The following MEST variants were observed in gnomAD, a reference collection of about 807,000 sequenced individuals.
The protein encoded by MEST is mesoderm specific transcript, also known as mesoderm-specific transcript homolog protein.
A neutral mutation model predicts 50.9 loss-of-function variants in MEST; 18 were observed. That is an observed-to-expected ratio of 0.35 (90% CI 0.24 to 0.52). MEST has a LOEUF of 0.52. Among genes scored for constraint, MEST ranks in the 20% least tolerant of loss-of-function variants. The pLI is 0.94. For missense variants in MEST, 282 were observed against 425.3 expected (o/e 0.66, Z 2.96); for synonymous variants, 130 against 154.1 (o/e 0.84, Z 1.16).
In MEST at chr7:130,492,328, T is replaced by C; in HGVS notation, c.15T>C (p.Asp5=). The C allele has an allele frequency of 7.5e-7, 1 of 1,339,374 alleles. No homozygotes were observed. The highest frequency in any genetic ancestry group is 2.9e-5 in the East Asian group (1 of 34,030). 83.0% of individuals were successfully genotyped at this position (1,339,374 alleles called of 1,614,324 possible). The change falls in exon 1 of 12, where the codon GAT becomes GAC. Residue 5 remains aspartate, a synonymous_variant. Coordinates refer to ENST00000223215, the MANE Select transcript of MEST (RefSeq NM_002402.4). This position sits in a 1 kb window ranked among gnomAD's most constrained non-coding sequence, Gnocchi z 7.6. MVRR[D]RLRRMREWWV... Reference sequence around the variant, plus strand: ...ATAACGCGGCCATGGTGCGCCGAGATCGCCTCCGCAGGTGAGTGTGCGGTG... The same window carrying C: ...ATAACGCGGCCATGGTGCGCCGAGACCGCCTCCGCAGGTGAGTGTGCGGTG...
chr7:130,502,763 G>A (rs1799322980), intron 10 of MEST, 43 bp downstream of exon 10: 11 of 1,463,386 alleles, frequency 7.5e-6, no homozygotes, highest in Non-Finnish European at 1.1e-5. Context: ...AAGGACTATA[G>A]GGTTAAAGTA....
upstream of MEST, chr7:130,490,074 AATAGG>A (rs1798740528): frequency 6.6e-6 from 1 of 152,230 alleles, no homozygotes; most frequent in Admixed American, 6.5e-5. Context: ...TTATTATTAA[AATAGG>A]AAAGCCTTTA....
chr7:130,496,338 C>G (rs1799059905), intron 2 of MEST: 5 of 367,668 alleles, frequency 1.4e-5, no homozygotes, highest in South Asian at 1.0e-4. Flanking sequence ...AACTATACTA[C>G]TTGTATAAAT....
chr7:130,494,358 A>C (rs901157170), intron 1 of MEST, among the ~76,000 whole-genome samples: 2 of 152,190 alleles, frequency 1.3e-5, no homozygotes, highest in Non-Finnish European at 2.9e-5. Context: ...GAGAACTTCC[A>C]TTCTACTGAC....
chr7:130,487,537 C>G (rs1563015735), upstream of MEST: 1 of 152,226 alleles, frequency 6.6e-6, no homozygotes, highest in Non-Finnish European at 1.5e-5. Flanking sequence ...CACTGCTTCC[C>G]TCGTCTGCCA....
intron 10 of MEST, among the ~76,000 whole-genome samples, chr7:130,503,373 G>A (rs1212144302): frequency 1.3e-5 from 2 of 152,202 alleles, no homozygotes; most frequent in Admixed American, 1.3e-4. Flanking sequence ...CCAGGGTGCA[G>A]GAGAGCTGGA....
intron 10 of MEST, 127 bp downstream of exon 10, chr7:130,502,847 A>G (rs1799326954): frequency 1.5e-6 from 1 of 661,918 alleles, no homozygotes; most frequent in Non-Finnish European, 2.6e-6. Context: ...TTAAATTTGA[A>G]TTTTAGATAA....
Position 130,505,213 on chromosome 7 carries a change from G to A in MEST, c.*157G>A. The A allele has an allele frequency of 1.6e-6, 1 of 611,310 alleles. No individual in the cohort carries two copies. Among genetic ancestry groups the A allele is most frequent in the Non-Finnish European group, 2.9e-6 (1 of 340,354 alleles). 37.9% of individuals were successfully genotyped at this position (611,310 alleles called of 1,614,324 possible). A position where few individuals can be genotyped will look rare whatever the true frequency, so the allele number is the denominator to read the frequency against. On this transcript the variant is annotated 3_prime_UTR_variant, in exon 12 of 12. Transcript: ENST00000223215. ...ATTGGTGAACAGTGTATAGGAAGAAGCCAGCAGGAGCTCTGACTAAGGTTG... is the reference window on the plus strand; with the variant it reads ...ATTGGTGAACAGTGTATAGGAAGAAACCAGCAGGAGCTCTGACTAAGGTTG...
chr7:130,501,459 A>G (rs564264322), intron 9 of MEST, among the ~76,000 whole-genome samples: 1 of 152,336 alleles, frequency 6.6e-6, no homozygotes, highest in South Asian at 2.1e-4. Context: ...GTATTAAAAA[A>G]CTGAAGAACA....
rs184490644 is a variant in MEST at position 130,499,080 on chromosome 7, C to T, written c.535+603C>T. On this transcript the variant is annotated intron_variant, in intron 6 of 11. Coordinates refer to ENST00000223215, the MANE Select transcript of MEST (RefSeq NM_002402.4). Reference sequence around the variant, plus strand: ...TGCTGTACCTCATTCTGCTTAAAGCCGAAGTTTCCAAGAACCTATCCTGAT... The same window carrying T: ...TGCTGTACCTCATTCTGCTTAAAGCTGAAGTTTCCAAGAACCTATCCTGAT... Among the ~76,000 whole-genome samples the T allele has an allele frequency of 9.9e-5, 15 of 152,270 alleles. No individual in the cohort carries two copies. The East Asian group carries it at 1.9e-3, about 20-fold the overall frequency.
In MEST at chr7:130,492,349, C is replaced by T. The variant is rs782756075; in HGVS notation, c.26+10C>T. 6.8e-6 allele frequency: 9 copies of T among 1,318,022 alleles called. No individual in the cohort carries two copies. In the East Asian group the frequency reaches 1.5e-4, roughly 21 times the overall value. 81.6% of individuals were successfully genotyped at this position (1,318,022 alleles called of 1,614,324 possible). A position where few individuals can be genotyped will look rare whatever the true frequency, so the allele number is the denominator to read the frequency against. On this transcript the variant is annotated intron_variant, in intron 1 of 11. Transcript: ENST00000223215. This position sits in a 1 kb window ranked among gnomAD's most constrained non-coding sequence, Gnocchi z 7.6. ...GAGATCGCCTCCGCAGGTGAGTGTG[C>T]GGTGGGAACGAGGGGGTGTGGCTGG...
In MEST at chr7:130,497,161, G is replaced by C; in HGVS notation, c.187G>C (p.Val63Leu). ...KGLRIFYQDSVGVVGSPEIVV... is the reference protein window; with the variant it reads ...KGLRIFYQDSLGVVGSPEIVV... ...TGTACTTTCCTTCTTCCTAGACTCTGTGGGTGTGGTTGGAAGTCCAGAGAT... is the reference window on the plus strand; with the variant it reads ...TGTACTTTCCTTCTTCCTAGACTCTCTGGGTGTGGTTGGAAGTCCAGAGAT... The change falls in exon 3 of 12, where the codon GTG (valine) becomes CTG (leucine). Residue 63 changes from valine (V) to leucine (L), a missense_variant. Coordinates refer to ENST00000223215, the MANE Select transcript of MEST (RefSeq NM_002402.4). This position sits in a 1 kb window ranked among gnomAD's most constrained non-coding sequence, Gnocchi z 4.0. 1 of 1,612,390 alleles carries C rather than the reference G, an allele frequency of 6.2e-7. No individual in the cohort carries two copies. Among genetic ancestry groups the C allele is most frequent in the South Asian group, 1.1e-5 (1 of 90,866 alleles).
At chr7:130,503,745 GT>G (rs1799365513) in intron 10 of MEST, among the ~76,000 whole-genome samples, 187 bp from the exon 11 acceptor site, 1 of 152,174 alleles carries the variant, frequency 6.6e-6, no homozygotes, top group Non-Finnish European at 1.5e-5. Flanking sequence ...GGGCCAACGA[GT>G]TTGAGGTTAC....
chr7:130,487,449 C>A (rs1277747481), upstream of MEST: 1 of 151,954 alleles, frequency 6.6e-6, no homozygotes, highest in Non-Finnish European at 1.5e-5. Context: ...TTTAGGGGTG[C>A]CCACTAATAC....
rs984762888 is a variant in MEST at position 130,492,105 on chromosome 7, C to T, written c.-209C>T. The T allele has an allele frequency of 3.9e-5, 11 of 281,260 alleles. 1 individual carries two copies. The highest frequency in any genetic ancestry group is 1.6e-4 in the South Asian group (1 of 6,080). The allele number at this position is 281,260 out of a possible 1,614,324, so 17.4% of individuals were successfully genotyped here. A position where few individuals can be genotyped will look rare whatever the true frequency, so the allele number is the denominator to read the frequency against. On this transcript the variant is annotated 5_prime_UTR_variant, in exon 1 of 12. Coordinates refer to ENST00000223215, the MANE Select transcript of MEST (RefSeq NM_002402.4). The surrounding 1 kb of genome is among the most constrained non-coding windows in gnomAD (Gnocchi z 7.6). ...CGCGCTGCCGCGGCAACCAGCACAC[C>T]CCGGCACCTCCTCTGCGGCAGCTGC...
rs1046509685 is a variant in MEST at position 130,497,299 on chromosome 7, C to G, written c.261+64C>G. The G allele has an allele frequency of 7.3e-7, 1 of 1,364,216 alleles. No homozygotes were observed. Among genetic ancestry groups the G allele is most frequent in the Non-Finnish European group, 1.0e-6 (1 of 972,402 alleles). 84.5% of individuals were successfully genotyped at this position (1,364,216 alleles called of 1,614,324 possible). On this transcript the variant is annotated intron_variant, in intron 3 of 11. Transcript: ENST00000223215. The surrounding 1 kb of genome is among the most constrained non-coding windows in gnomAD (Gnocchi z 4.0). ...AAAATCTCGGCCGGGCGCGGGGGCT[C>G]AAATCCTAGCACTTTGGGAGGCTGA...
At chr7:130,496,651 T>C (rs1799074412) in intron 2 of MEST, 1 of 165,374 alleles carries the variant, frequency 6.0e-6, no homozygotes, top group African/African-American at 2.4e-5. Context: ...TATTATGTTT[T>C]TGATGTTAGA....
At chr7:130,493,014 A>T (rs1299170539) in intron 1 of MEST, among the ~76,000 whole-genome samples, 1 of 152,038 alleles carries the variant, frequency 6.6e-6, no homozygotes, top group Non-Finnish European at 1.5e-5. Context: ...GGATTTCAAG[A>T]ACGGGATAAT....
intron 10 of MEST, 147 bp from the exon 11 acceptor site, chr7:130,503,786 A>G: frequency 1.6e-6 from 1 of 612,022 alleles, no homozygotes; most frequent in Non-Finnish European, 2.9e-6. Flanking sequence ...ACTGCACTCC[A>G]GCCTGAGCAA....
Sources: allele counts gnomAD v4.1 joint callset (sites outside exome capture counted in the v4.1 genomes callset), GRCh38; gene constraint gnomAD v4.1.1; non-coding constraint Gnocchi (gnomAD v3.1); transcripts MANE v1.5; gene names NCBI Gene and HGNC (gene_info 2026-07-23, HGNC 2026-07-21).